The following CDH8 variants were observed in gnomAD, a reference collection of about 807,000 sequenced individuals.
The protein encoded by CDH8 is cadherin 8, also known as cadherin-8.
Under a neutral mutation model 68.1 loss-of-function variants are expected in CDH8, and 17 were observed. The observed-to-expected ratio is 0.25, with a 90% confidence interval of 0.17 to 0.37. The LOEUF is 0.37. CDH8 is among the 10% of genes least tolerant of loss of function. The pLI, the probability that CDH8 is intolerant of heterozygous loss-of-function variation, is 1.00. For missense variants in CDH8, 763 were observed against 999.3 expected (o/e 0.76, Z 3.19); for synonymous variants, 372 against 365.1 (o/e 1.02, Z -0.21).
chr16:61,963,212 G>A (rs1456085296), intron 2 of CDH8, among the ~76,000 whole-genome samples: 2 of 151,972 alleles, frequency 1.3e-5, no homozygotes, highest in Admixed American at 6.6e-5. Context: ...TGGTGGGGAG[G>A]GGGGAGACAA....
chr16:61,957,694 C>A (rs996404606), intron 2 of CDH8, among the ~76,000 whole-genome samples: 1 of 152,160 alleles, frequency 6.6e-6, no homozygotes, highest in African/African-American at 2.4e-5. Flanking sequence ...TTTCCCATAA[C>A]ACAGATCCTT....
Position 61,652,682 on chromosome 16 carries a change from G to GT in CDH8, c.*925dup, listed in dbSNP as rs1350901518. The GT allele has an allele frequency of 1.6e-6, 2 of 1,219,460 alleles. No homozygotes were observed. 75.5% of individuals were successfully genotyped at this position (1,219,460 alleles called of 1,614,324 possible). ...AAGGATTATTAATGGATATAATTTA[G>GT]TTTTTTCCCATATATCCCCTTAATC... On this transcript the variant is annotated 3_prime_UTR_variant, in exon 12 of 12. Coordinates refer to ENST00000577390, the MANE Select transcript of CDH8 (RefSeq NM_001796.5).
intron 8 of CDH8, among the ~76,000 whole-genome samples, chr16:61,744,993 A>G (rs1959978610): frequency 6.8e-6 from 1 of 147,200 alleles, no homozygotes; most frequent in African/African-American, 2.5e-5. Flanking sequence ...TTTCTTTTCT[A>G]TATTATCATA....
At chr16:61,666,566 T>C (rs1963682838) in intron 10 of CDH8, among the ~76,000 whole-genome samples, 1 of 152,022 alleles carries the variant, frequency 6.6e-6, no homozygotes, top group Non-Finnish European at 1.5e-5. Context: ...GAGGCAGAGT[T>C]AATGAAGGCA....
Position 61,779,464 on chromosome 16 carries a change from T to TGCGTGC in CDH8, c.1414+9881_1414+9882insGCACGC, listed in dbSNP as rs1555509536. 1.6e-4 allele frequency among the ~76,000 whole-genome samples: 22 copies of TGCGTGC among 141,542 alleles called. No homozygotes were observed. The South Asian group carries it at 5.1e-3, about 33-fold the overall frequency. The allele number at this position is 141,542 out of a possible 152,430, so 92.9% of individuals were successfully genotyped here. A position where few individuals can be genotyped will look rare whatever the true frequency, so the allele number is the denominator to read the frequency against. ...GTGTGTGTGTGTGTGTGTGTGTGTG[T>TGCGTGC]GCGCGCATGGTGAGGGAAACAAGGA... On this transcript the variant is annotated intron_variant, in intron 8 of 11. Transcript: ENST00000577390.
chr16:61,903,866 A>G (rs1343392183), intron 2 of CDH8, among the ~76,000 whole-genome samples: 1 of 152,196 alleles, frequency 6.6e-6, no homozygotes, highest in Non-Finnish European at 1.5e-5. Context: ...ACTATCTGAA[A>G]ACATTGTGAT....
rs1319378087 is a variant in CDH8 at position 61,820,914 on chromosome 16, TCC to T, written c.1023+10_1023+11del. On this transcript the variant is annotated intron_variant, in intron 6 of 11. Transcript: ENST00000577390. ...GATATTTTGAAGATGAACAAAAGCT[TCC>T]TTAGCTTACTTTTCTTAGCCTTATA... 9 of 1,602,136 alleles carry T rather than the reference TCC, an allele frequency of 5.6e-6. No individual in the cohort carries two copies. The highest frequency in any genetic ancestry group is 7.7e-6 in the Non-Finnish European group (9 of 1,172,410).
intron 10 of CDH8, chr16:61,692,319 C>T (rs1344224727): frequency 6.6e-6 from 1 of 152,126 alleles, no homozygotes; most frequent in Non-Finnish European, 1.5e-5. Context: ...GTCACTCTTG[C>T]TACGCGTCAT....
At chr16:61,957,999 C>T (rs1202607987) in intron 2 of CDH8, among the ~76,000 whole-genome samples, 6 of 152,106 alleles carry the variant, frequency 3.9e-5, no homozygotes, top group South Asian at 4.1e-4. Flanking sequence ...AGTTAACATA[C>T]GCTGCAATAT....
At chr16:61,874,369 T>C (rs1963423773) in intron 3 of CDH8, among the ~76,000 whole-genome samples, 3 of 152,106 alleles carry the variant, frequency 2.0e-5, no homozygotes, top group Non-Finnish European at 4.4e-5. Context: ...TCTCGCTCTA[T>C]CACCCAGGTT....
At chr16:61,698,805 T>C (rs1273677261) in intron 10 of CDH8, among the ~76,000 whole-genome samples, 2 of 152,186 alleles carry the variant, frequency 1.3e-5, no homozygotes, top group African/African-American at 4.8e-5. Flanking sequence ...CTTTGGTTTT[T>C]TTCATCTTTG....
At chr16:61,899,152 C>T (rs1963922711) in intron 3 of CDH8, among the ~76,000 whole-genome samples, 2 of 152,192 alleles carry the variant, frequency 1.3e-5, no homozygotes, top group African/African-American at 4.8e-5. Flanking sequence ...TGACAGGCCC[C>T]GGTGTGTGAT....
At chr16:61,853,053 C>A (rs146210707) in intron 4 of CDH8, among the ~76,000 whole-genome samples, 2 of 151,980 alleles carry the variant, frequency 1.3e-5, no homozygotes, top group Admixed American at 1.3e-4. Flanking sequence ...ACCTTGCACT[C>A]TAGCATGGTA....
rs539895189 is a variant in CDH8 at position 61,767,907 on chromosome 16, A to G, written c.1414+21439T>C. Reference sequence around the variant, plus strand: ...CCTGGCTCCATCAATTATTTGCTGCAAAGTCTTTAGAACTCAGAGAGATAC... The same window carrying G: ...CCTGGCTCCATCAATTATTTGCTGCGAAGTCTTTAGAACTCAGAGAGATAC... On this transcript the variant is annotated intron_variant, in intron 8 of 11. Coordinates refer to ENST00000577390, the MANE Select transcript of CDH8 (RefSeq NM_001796.5). Among the ~76,000 whole-genome samples the G allele has an allele frequency of 7.7e-5, 11 of 143,646 alleles. 1 individual carries two copies. In the South Asian group the frequency reaches 2.3e-3, roughly 30 times the overall value. 94.2% of individuals were successfully genotyped at this position (143,646 alleles called of 152,430 possible). A position where few individuals can be genotyped will look rare whatever the true frequency, so the allele number is the denominator to read the frequency against.
At chr16:61,881,706 T>C (rs1008775707) in intron 3 of CDH8, among the ~76,000 whole-genome samples, 2 of 152,186 alleles carry the variant, frequency 1.3e-5, no homozygotes, top group Non-Finnish European at 2.9e-5. Context: ...TTCACATAAT[T>C]TTTCTTTTAA....
At chr16:61,827,595 C>T (rs1024248408) in intron 4 of CDH8, among the ~76,000 whole-genome samples, 5 of 151,908 alleles carry the variant, frequency 3.3e-5, no homozygotes, top group African/African-American at 1.2e-4. Flanking sequence ...TTGGAAATAA[C>T]ACCTTTGGGT....
chr16:61,758,385 T>C (rs1434452489), intron 8 of CDH8, among the ~76,000 whole-genome samples: 2 of 152,180 alleles, frequency 1.3e-5, no homozygotes, highest in East Asian at 1.9e-4. Context: ...AGAAACTTTT[T>C]CTGAAATTAG....
chr16:61,685,656 A>G (rs1234748783), intron 10 of CDH8, among the ~76,000 whole-genome samples: 2 of 152,036 alleles, frequency 1.3e-5, no homozygotes, highest in Non-Finnish European at 2.9e-5. Context: ...TAGGGTATGC[A>G]AAGTGCTTAA....
chr16:61,750,717 C>T (rs957771049), intron 8 of CDH8, among the ~76,000 whole-genome samples: 1 of 152,064 alleles, frequency 6.6e-6, no homozygotes, highest in Admixed American at 6.6e-5. Context: ...AATAAAAATG[C>T]CACCAATGAG....
Sources: allele counts gnomAD v4.1 joint callset (sites outside exome capture counted in the v4.1 genomes callset), GRCh38; gene constraint gnomAD v4.1.1; transcripts MANE v1.5; gene names NCBI Gene and HGNC (gene_info 2026-07-23, HGNC 2026-07-21).